DOCK5: variants seen among roughly 807,000 people sequenced by gnomAD.
DOCK5 encodes dedicator of cytokinesis protein 5.
Under a neutral mutation model 251.8 loss-of-function variants are expected in DOCK5, and 142 were observed. That is an observed-to-expected ratio of 0.56 (90% CI 0.49 to 0.65). The LOEUF (loss-of-function observed/expected upper bound fraction) is 0.65. DOCK5 is among the 30% of genes least tolerant of loss of function. The probability of loss-of-function intolerance (pLI) is 0.00; values close to 1 mark genes in which losing one functional copy is unlikely to be tolerated. For missense variants in DOCK5, 2,111 were observed against 2,312.3 expected (o/e 0.91, Z 1.79); for synonymous variants, 842 against 835.5 (o/e 1.01, Z -0.13).
At chr8:25,334,049 A>G (rs1213061020) in intron 20 of DOCK5, 47 bp from the exon 21 acceptor site, 2 of 1,438,422 alleles carry the variant, frequency 1.4e-6, no homozygotes, top group Non-Finnish European at 2.0e-6. Flanking sequence ...TTGACAGAAT[A>G]CTTGGGATTG....
chr8:25,347,404 C>A (rs1307565107), intron 26 of DOCK5, among the ~76,000 whole-genome samples: 4 of 151,922 alleles, frequency 2.6e-5, no homozygotes, highest in African/African-American at 9.7e-5. Flanking sequence ...CCCTTTTTTT[C>A]ATTAAGTATG....
chr8:25,239,551 T>A (rs906239766), intron 1 of DOCK5, among the ~76,000 whole-genome samples: 21 of 151,912 alleles, frequency 1.4e-4, no homozygotes, highest in African/African-American at 5.1e-4. Flanking sequence ...AGGGGGCCAA[T>A]GGAAGGGACC....
At chr8:25,340,598 G>A (rs1019817075) in intron 22 of DOCK5, among the ~76,000 whole-genome samples, 1 of 152,184 alleles carries the variant, frequency 6.6e-6, no homozygotes, top group Non-Finnish European at 1.5e-5. Context: ...GTCTTGTCCT[G>A]GAAGGCCCTT....
rs1463852074 is a variant in DOCK5 at position 25,210,110 on chromosome 8, A to ATCTG, written c.43+25162_43+25163insGTCT. 1.2e-4 allele frequency among the ~76,000 whole-genome samples: 6 copies of ATCTG among 49,106 alleles called. 2 individuals are homozygous for ATCTG. Among genetic ancestry groups the ATCTG allele is most frequent in the Admixed American group, 5.0e-4 (2 of 3,976 alleles). The allele number at this position is 49,106 out of a possible 152,430, so 32.2% of individuals were successfully genotyped here. ...TATCTATCTATCTATCTATCTATCTATCTATCTATCTATCTATCTATCTAT... is the reference window on the plus strand; with the variant it reads ...TATCTATCTATCTATCTATCTATCTATCTGTCTATCTATCTATCTATCTATCTAT... On this transcript the variant is annotated intron_variant, in intron 1 of 51. Coordinates refer to ENST00000276440, the MANE Select transcript of DOCK5 (RefSeq NM_024940.8).
chr8:25,286,337 G>C (rs984809539), intron 5 of DOCK5, among the ~76,000 whole-genome samples: 1 of 152,132 alleles, frequency 6.6e-6, no homozygotes, highest in Admixed American at 6.5e-5. Context: ...AAGCTGCCTG[G>C]GAGGAGTAAT....
In DOCK5 at chr8:25,239,345, G is replaced by A. The variant is rs1048931526; in HGVS notation, c.44-4329G>A. Among the ~76,000 whole-genome samples the A allele has an allele frequency of 6.2e-3, 931 of 150,426 alleles. 10 individuals are homozygous for A. Among genetic ancestry groups the A allele is most frequent in the African/African-American group, 0.022 (886 of 40,970 alleles). The stretch of plus-strand genomic sequence containing the variant: ...TGTGTGTGTGTGTGTGTGTGTATGT[G>A]TGTGTGTGTGTGTGTGTGTGTGTGT... On this transcript the variant is annotated intron_variant, in intron 1 of 51. Transcript: ENST00000276440.
At chr8:25,326,946 CTATA>C (rs1805579470) in intron 18 of DOCK5, among the ~76,000 whole-genome samples, 1 of 152,184 alleles carries the variant, frequency 6.6e-6, no homozygotes, top group Non-Finnish European at 1.5e-5. Context: ...CTTTTTAACA[CTATA>C]TACAGTATGA....
chr8:25,374,684 G>A (rs1800933583), intron 37 of DOCK5, 30 bp downstream of exon 37: 1 of 1,613,676 alleles, frequency 6.2e-7, no homozygotes, highest in Non-Finnish European at 8.5e-7. Flanking sequence ...TGTTTCAACA[G>A]GGTGGAGTAC....
In DOCK5 at chr8:25,414,976, C is replaced by T. The variant is rs1427829392; in HGVS notation, c.*3678C>T. 1 of 117,006 alleles carries T rather than the reference C, an allele frequency of 8.5e-6. No homozygotes were observed. Among genetic ancestry groups the T allele is most frequent in the Non-Finnish European group, 1.8e-5 (1 of 56,792 alleles). The allele number at this position is 117,006 out of a possible 1,614,324, so 7.2% of individuals were successfully genotyped here. On this transcript the variant is annotated 3_prime_UTR_variant, in exon 52 of 52. Transcript: ENST00000276440. ...TCCTTCAGCCCTAGCTGCTTTTATT[C>T]TGCTTTTTATTTAAACAAAAAGAGG...
chr8:25,343,898 C>G (rs1243018965), intron 25 of DOCK5, among the ~76,000 whole-genome samples: 1 of 152,190 alleles, frequency 6.6e-6, no homozygotes, highest in African/African-American at 2.4e-5. Context: ...CTCCACCTCC[C>G]AGGTTCAAGC....
At chr8:25,236,196 T>G (rs1403741319) in intron 1 of DOCK5, among the ~76,000 whole-genome samples, 1 of 152,192 alleles carries the variant, frequency 6.6e-6, no homozygotes, top group Non-Finnish European at 1.5e-5. Flanking sequence ...TGTAAGAGCC[T>G]GCTCTTATGG....
intron 2 of DOCK5, among the ~76,000 whole-genome samples, chr8:25,261,674 C>G (rs142730709): frequency 6.6e-6 from 1 of 152,284 alleles, no homozygotes; most frequent in East Asian, 1.9e-4. Flanking sequence ...TGTGTTTTAT[C>G]AAATGAATGC....
chr8:25,311,037 G>A (rs1339310448), intron 13 of DOCK5, among the ~76,000 whole-genome samples: 6 of 152,146 alleles, frequency 3.9e-5, no homozygotes, highest in Non-Finnish European at 8.8e-5. Flanking sequence ...AGCTCCAAAA[G>A]CGCTCTGGCT....
Position 25,269,356 on chromosome 8 carries a change from A to G in DOCK5, c.168+471A>G, listed in dbSNP as rs533306564. Reference sequence around the variant, plus strand: ...CCTCACATCCCAATAATACATTATGAAATCAATATGGTGGATTATAACCAA... The same window carrying G: ...CCTCACATCCCAATAATACATTATGGAATCAATATGGTGGATTATAACCAA... On this transcript the variant is annotated intron_variant, in intron 3 of 51. Transcript: ENST00000276440. 3.3e-5 allele frequency among the ~76,000 whole-genome samples: 5 copies of G among 152,344 alleles called. No individual in the cohort carries two copies. In the South Asian group the frequency reaches 1.0e-3, roughly 32 times the overall value.
At chr8:25,360,434 G>A (rs1379485468) in intron 28 of DOCK5, among the ~76,000 whole-genome samples, 2 of 152,164 alleles carry the variant, frequency 1.3e-5, no homozygotes. Flanking sequence ...TGGGGGGTGG[G>A]GGGTGGAGGA....
chr8:25,231,044 G>T (rs1802656104), intron 1 of DOCK5, among the ~76,000 whole-genome samples: 1 of 151,972 alleles, frequency 6.6e-6, no homozygotes, highest in African/African-American at 2.4e-5. Flanking sequence ...ATACCCTCGG[G>T]TTAGTGTGTT....
chr8:25,221,101 A>C (rs74674831), intron 1 of DOCK5, among the ~76,000 whole-genome samples: 1 of 152,006 alleles, frequency 6.6e-6, no homozygotes, highest in Non-Finnish European at 1.5e-5. Context: ...CTTTATTTCT[A>C]CAGTTCATTT....
chr8:25,406,049 C>T (rs576485872), intron 48 of DOCK5, among the ~76,000 whole-genome samples: 12 of 152,134 alleles, frequency 7.9e-5, no homozygotes, highest in African/African-American at 4.8e-5. Flanking sequence ...AGCTCCGCCT[C>T]CCGGGTTCAC....
intron 24 of DOCK5, among the ~76,000 whole-genome samples, 178 bp downstream of exon 24, chr8:25,341,987 G>T (rs536501163): frequency 6.6e-6 from 1 of 152,236 alleles, no homozygotes; most frequent in East Asian, 1.9e-4. Context: ...CCTGAGAGAG[G>T]TTTGCACTTT....
Sources: gnomAD v4.1 joint callset for allele counts (sites outside exome capture counted in the v4.1 genomes callset) on GRCh38, gnomAD v4.1.1 for gene constraint, MANE v1.5 for transcripts, NCBI Gene and HGNC (gene_info 2026-07-23, HGNC 2026-07-21) for gene names.